Variants in CAMK2D observed in about 807,000 individuals in gnomAD.
CAMK2D encodes the protein calcium/calmodulin dependent protein kinase II delta.
In CAMK2D, 37 loss-of-function variants were observed where a neutral mutation model predicts 84.0. The ratio of observed to expected loss-of-function variants is 0.44; its 90% CI spans 0.34 to 0.58. CAMK2D has a LOEUF of 0.58. Ranked by LOEUF, CAMK2D falls within the 20% of genes least tolerant of loss-of-function variation. The pLI is 0.02. For missense variants in CAMK2D, 448 were observed against 652.5 expected (o/e 0.69, Z 3.41); for synonymous variants, 202 against 212.5 (o/e 0.95, Z 0.43).
At chr4:113,541,716 ATTTCTT>A (rs2098530979) in intron 6 of CAMK2D, among the ~76,000 whole-genome samples, 1 of 152,168 alleles carries the variant, frequency 6.6e-6, no homozygotes, top group Non-Finnish European at 1.5e-5. Context: ...GTCTTTTAAA[ATTTCTT>A]TCCTCTATTG....
At chr4:113,674,322 C>T (rs2099309036) in intron 2 of CAMK2D, among the ~76,000 whole-genome samples, 1 of 152,124 alleles carries the variant, frequency 6.6e-6, no homozygotes, top group South Asian at 2.1e-4. Context: ...AATTAATCAT[C>T]ATTCTAGATG....
At chr4:113,638,609 A>ATAATAGAGGAATTTC (rs1448324024) in intron 3 of CAMK2D, among the ~76,000 whole-genome samples, 1 of 152,102 alleles carries the variant, frequency 6.6e-6, no homozygotes, top group African/African-American at 2.4e-5. Context: ...GTTTAAGAAA[A>ATAATAGAGGAATTTC]TAATAGAGGA....
chr4:113,571,143 T>C (rs2098751566), intron 4 of CAMK2D, among the ~76,000 whole-genome samples: 1 of 152,044 alleles, frequency 6.6e-6, no homozygotes, highest in Non-Finnish European at 1.5e-5. Flanking sequence ...ACACAAAAGA[T>C]AAGTGGTGAG....
intron 4 of CAMK2D, among the ~76,000 whole-genome samples, chr4:113,569,446 T>A (rs2098741855): frequency 6.6e-6 from 1 of 152,230 alleles, no homozygotes; most frequent in Non-Finnish European, 1.5e-5. Context: ...AAATTTTGCA[T>A]GGGATATCCA....
chr4:113,602,587 G>A (rs2098957906), intron 4 of CAMK2D, among the ~76,000 whole-genome samples: 1 of 152,176 alleles, frequency 6.6e-6, no homozygotes, highest in South Asian at 2.1e-4. Flanking sequence ...GCCATTATCT[G>A]CCATTAATTA....
rs77025283 is a variant in CAMK2D at position 113,486,757 on chromosome 4, G to T, written c.1135+13706C>A. Among the ~76,000 whole-genome samples, 1,090 of 152,272 alleles carry T rather than the reference G, an allele frequency of 7.2e-3. 23 individuals are homozygous for T. The highest frequency in any genetic ancestry group is 0.025 in the African/African-American group (1,044 of 41,550). ...AAATGTTTAGGAAAGCTGCCTTGTT[G>T]AGTTTCCCTCCCTGGACTGAACACA... is the stretch of plus-strand genomic sequence containing the variant. On this transcript the variant is annotated intron_variant, in intron 16 of 20. Coordinates refer to ENST00000511664, the MANE Select transcript of CAMK2D (RefSeq NM_001321571.2).
intron 19 of CAMK2D, chr4:113,457,102 G>T: frequency 2.0e-6 from 2 of 1,019,662 alleles, no homozygotes; most frequent in Non-Finnish European, 2.6e-6. Flanking sequence ...GTAGTCTCTC[G>T]TCCTGTCTAA....
chr4:113,497,072 A>T (rs113640872), intron 16 of CAMK2D, among the ~76,000 whole-genome samples: 9,451 of 149,364 alleles, frequency 0.063, 933 homozygotes, highest in African/African-American at 0.22. Flanking sequence ...ATTTAAAAAA[A>T]TGTATTTATT....
intron 1 of CAMK2D, among the ~76,000 whole-genome samples, chr4:113,760,161 C>G (rs1594275038): frequency 6.6e-6 from 1 of 151,880 alleles, no homozygotes; most frequent in African/African-American, 2.4e-5. Context: ...GCATTCACGG[C>G]TTGGCCCCTA....
chr4:113,614,100 C>A (rs570419209), intron 3 of CAMK2D, among the ~76,000 whole-genome samples: 1 of 152,082 alleles, frequency 6.6e-6, no homozygotes, highest in African/African-American at 2.4e-5. Context: ...AAAAGGCTGA[C>A]AGGATACAAA....
At chr4:113,544,593 T>C (rs1019117954) in intron 6 of CAMK2D, among the ~76,000 whole-genome samples, 4 of 152,200 alleles carry the variant, frequency 2.6e-5, no homozygotes, top group African/African-American at 9.6e-5. Context: ...ATAAAGTTGT[T>C]CTGAAGATTT....
At chr4:113,614,802 A>G (rs1024569388) in intron 3 of CAMK2D, among the ~76,000 whole-genome samples, 15 of 152,290 alleles carry the variant, frequency 9.8e-5, no homozygotes, top group African/African-American at 3.6e-4. Context: ...GTGATTGACC[A>G]CATTGTCCTC....
At chr4:113,541,905 A>G (rs532076406) in intron 6 of CAMK2D, among the ~76,000 whole-genome samples, 1 of 152,178 alleles carries the variant, frequency 6.6e-6, no homozygotes, top group Non-Finnish European at 1.5e-5. Context: ...TCATTTGTAT[A>G]CATGGTACAA....
intron 2 of CAMK2D, among the ~76,000 whole-genome samples, chr4:113,676,370 T>C (rs2099318305): frequency 6.6e-6 from 1 of 152,180 alleles, no homozygotes; most frequent in Non-Finnish European, 1.5e-5. Context: ...TTGCTGGCCA[T>C]AAACTGCCCA....
At position 113,677,885 on chromosome 4, in the gene CAMK2D, G is replaced by A. The variant is rs116796707; in HGVS notation, c.161-16113C>T. Among the ~76,000 whole-genome samples the A allele has an allele frequency of 9.9e-3, 1,499 of 151,656 alleles. 25 individuals are homozygous for A. Among genetic ancestry groups the A allele is most frequent in the African/African-American group, 0.034 (1,408 of 41,316 alleles). On this transcript the variant is annotated intron_variant, in intron 2 of 20. Coordinates refer to ENST00000511664, the MANE Select transcript of CAMK2D (RefSeq NM_001321571.2). Reference sequence around the variant, plus strand: ...AGGGGATATCATACTTGTGTTAAGTGGAAAATATGCATAGGATAGTATCTA... The same window carrying A: ...AGGGGATATCATACTTGTGTTAAGTAGAAAATATGCATAGGATAGTATCTA...
At chr4:113,531,437 A>G (rs1036552916) in intron 7 of CAMK2D, 138 bp from the exon 8 acceptor site, 2 of 639,204 alleles carry the variant, frequency 3.1e-6, no homozygotes, top group Non-Finnish European at 5.7e-6. Context: ...TCAGAGCAAT[A>G]AATAGTGTAG....
chr4:113,566,636 A>C (rs2098725472), intron 4 of CAMK2D, among the ~76,000 whole-genome samples: 1 of 151,976 alleles, frequency 6.6e-6, no homozygotes, highest in African/African-American at 2.4e-5. Flanking sequence ...ATATCCTTGC[A>C]CCCTAGGACT....
In CAMK2D at chr4:113,460,189, A is replaced by C; in HGVS notation, c.1264T>G (p.Leu422Val). Reference protein sequence around the residue: ...TAFEPEALGNLVEGMDFHRFY... With the variant: ...TAFEPEALGNVVEGMDFHRFY... Reference sequence around the variant, plus strand: ...CGGTGAAAATCCATCCCTTCCACTAAATTACCCAAAGCTTCAGGTTCAAAA... The same window carrying C: ...CGGTGAAAATCCATCCCTTCCACTACATTACCCAAAGCTTCAGGTTCAAAA... Residue 422 changes from leucine (L) to valine (V), a missense_variant, in exon 18 of 21, where the codon TTA becomes GTA. By Grantham distance (32) the Leu-to-Val change is conservative. Transcript: ENST00000511664. The C allele has an allele frequency of 1.9e-6, 3 of 1,607,814 alleles. No homozygotes were observed. In the South Asian group the frequency reaches 3.3e-5, roughly 18 times the overall value.
intron 3 of CAMK2D, among the ~76,000 whole-genome samples, chr4:113,637,213 C>G (rs951806985): frequency 6.6e-6 from 1 of 152,100 alleles, no homozygotes; most frequent in Non-Finnish European, 1.5e-5. Flanking sequence ...ATTGATGTAT[C>G]ACAGGTGTAC....
Sources: allele counts gnomAD v4.1 joint callset (sites outside exome capture counted in the v4.1 genomes callset), GRCh38; gene constraint gnomAD v4.1.1; transcripts MANE v1.5; gene names NCBI Gene and HGNC (gene_info 2026-07-23, HGNC 2026-07-21).